Variants in GFER observed in about 807,000 individuals in gnomAD.
GFER encodes growth factor, augmenter of liver regeneration.
A neutral mutation model predicts 18.2 loss-of-function variants in GFER; 24 were observed. The ratio of observed to expected loss-of-function variants is 1.32; its 90% CI spans 0.96 to 1.86. The LOEUF (loss-of-function observed/expected upper bound fraction) is 1.86. Ranked by LOEUF, GFER falls within the 40% of genes most tolerant of loss-of-function variation. The pLI is 0.00. For missense variants in GFER, 316 were observed against 295.6 expected (o/e 1.07, Z -0.51); for synonymous variants, 138 against 126.9 (o/e 1.09, Z -0.59).
At position 1,986,212 on chromosome 16, in the gene GFER, A is replaced by G. The variant is rs1265724197; in HGVS notation, c.*184A>G. ...GAGCAGAAGTGGAGGTGCCCACAGC[A>G]GGTACCCACTGGCCCCCTCCTCAGT... is the stretch of plus-strand genomic sequence containing the variant. On this transcript the variant is annotated 3_prime_UTR_variant, in exon 3 of 3. Transcript: ENST00000248114. 1.5e-6 allele frequency: 1 copy of G among 668,428 alleles called. No individual in the cohort carries two copies. The highest frequency in any genetic ancestry group is 2.7e-6 in the Non-Finnish European group (1 of 373,202). 41.4% of individuals were successfully genotyped at this position (668,428 alleles called of 1,614,324 possible).
chr16:1,986,113 G>A lies in GFER; in HGVS notation c.*85G>A. On this transcript the variant is annotated 3_prime_UTR_variant, in exon 3 of 3. Coordinates refer to ENST00000248114, the MANE Select transcript of GFER (RefSeq NM_005262.3). ...CACTCATTAAAGTGCATCACAGCCA[G>A]AGCCTGTTGTGTCTCAGTTGGGTGG... 1 of 1,397,612 alleles carries A rather than the reference G, an allele frequency of 7.2e-7. No individual in the cohort carries two copies. Among genetic ancestry groups the A allele is most frequent in the South Asian group, 1.2e-5 (1 of 86,120 alleles). 86.6% of individuals were successfully genotyped at this position (1,397,612 alleles called of 1,614,324 possible). A position where few individuals can be genotyped will look rare whatever the true frequency, so the allele number is the denominator to read the frequency against.
rs927138495 is a variant in GFER at position 1,987,070 on chromosome 16, C to G, written c.*1042C>G. 1 of 151,482 alleles carries G rather than the reference C, an allele frequency of 6.6e-6. No homozygotes were observed. Among genetic ancestry groups the G allele is most frequent in the Non-Finnish European group, 1.5e-5 (1 of 67,958 alleles). The allele number at this position is 151,482 out of a possible 1,614,324, so 9.4% of individuals were successfully genotyped here. On this transcript the variant is annotated 3_prime_UTR_variant, in exon 3 of 3. Transcript: ENST00000248114. ...GGAACAGGAGGGGTGGGGAGGAAGC[C>G]GGGGCAGTCACCGAGTGACCACCAA... is the stretch of plus-strand genomic sequence containing the variant.
At chr16:1,984,651 G>A in intron 1 of GFER, 96 bp from the exon 2 acceptor site, 2 of 1,383,424 alleles carry the variant, frequency 1.4e-6, no homozygotes, top group South Asian at 1.2e-5. Flanking sequence ...GACTTTGGCC[G>A]GAGTCCAGTG....
chr16:1,987,620 G>A lies in GFER; in HGVS notation c.*1592G>A, dbSNP rs1482677713. 2.6e-5 allele frequency: 4 copies of A among 152,196 alleles called. No individual in the cohort carries two copies. Among genetic ancestry groups the A allele is most frequent in the African/African-American group, 7.2e-5 (3 of 41,436 alleles). The allele number at this position is 152,196 out of a possible 1,614,324, so 9.4% of individuals were successfully genotyped here. ...CAGCTGGGCCCTCTGGGAAGGCTGT[G>A]TTCAGCTTAGGAACATACCGCCTGT... On this transcript the variant is annotated 3_prime_UTR_variant, in exon 3 of 3. Transcript: ENST00000248114.
rs1447084162 is a variant in GFER at position 1,987,238 on chromosome 16, G to A, written c.*1210G>A. On this transcript the variant is annotated 3_prime_UTR_variant, in exon 3 of 3. Transcript: ENST00000248114. ...AGATGGAGAAGGCTGAGTGCAGCAA[G>A]GTGGGGGGTGACTGGGACCCAGCCT... 2 of 152,744 alleles carry A rather than the reference G, an allele frequency of 1.3e-5. No homozygotes were observed. Among genetic ancestry groups the A allele is most frequent in the Non-Finnish European group, 2.9e-5 (2 of 68,462 alleles). The allele number at this position is 152,744 out of a possible 1,614,324, so 9.5% of individuals were successfully genotyped here.
chr16:1,985,102 G>C, intron 2 of GFER, 159 bp downstream of exon 2: 1 of 689,516 alleles, frequency 1.5e-6, no homozygotes, highest in Non-Finnish European at 2.6e-6. Flanking sequence ...GGCTATCTGA[G>C]CCTCCTCCTC....
In GFER at chr16:1,986,629, C is replaced by T. The variant is rs572045152; in HGVS notation, c.*601C>T. ...CTGTCCACAGGGGATTCGTGGGGCT[C>T]ACTTCATCAGAGTTTGAAGCCCAAA... On this transcript the variant is annotated 3_prime_UTR_variant, in exon 3 of 3. Transcript: ENST00000248114. The T allele has an allele frequency of 2.3e-5, 4 of 174,728 alleles. No individual in the cohort carries two copies. The South Asian group carries it at 3.7e-4, about 16-fold the overall frequency. 10.8% of individuals were successfully genotyped at this position (174,728 alleles called of 1,614,324 possible).
intron 1 of GFER, 102 bp downstream of exon 1, chr16:1,984,578 C>T: frequency 7.0e-7 from 1 of 1,425,280 alleles, no homozygotes; most frequent in Non-Finnish European, 9.6e-7. Context: ...GTCCCTGAAC[C>T]TTGCCCCCCG....
chr16:1,985,136 G>C (rs1485657416), intron 2 of GFER, 193 bp downstream of exon 2: 1 of 649,314 alleles, frequency 1.5e-6, no homozygotes, highest in African/African-American at 1.8e-5. Flanking sequence ...CAAGCTGTCG[G>C]GATCTGCTGC....
In GFER at chr16:1,986,066, G is replaced by C. The variant is rs746282425; in HGVS notation, c.*38G>C. ...CAGAGCTCATGGGACAGCTAGCCAG[G>C]CATGGTTGGATAGGGGCAGGGCACT... On this transcript the variant is annotated 3_prime_UTR_variant, in exon 3 of 3. Coordinates refer to ENST00000248114, the MANE Select transcript of GFER (RefSeq NM_005262.3). The C allele has an allele frequency of 6.2e-7, 1 of 1,602,974 alleles. No homozygotes were observed. The highest frequency in any genetic ancestry group is 1.1e-5 in the South Asian group (1 of 90,878).
chr16:1,985,797 A>T (rs2083562986), intron 2 of GFER, 69 bp from the exon 3 acceptor site: 2 of 1,386,882 alleles, frequency 1.4e-6, no homozygotes, highest in Non-Finnish European at 2.0e-6. Context: ...CCTTGACAGC[A>T]GACAGGGAAC....
At chr16:1,984,600 C>G in intron 1 of GFER, 124 bp downstream of exon 1, 1 of 1,368,336 alleles carries the variant, frequency 7.3e-7, no homozygotes, top group East Asian at 2.4e-5. Context: ...GTAGGCCCGG[C>G]CTTACAGCCT....
chr16:1,986,146 G>A lies in GFER; in HGVS notation c.*118G>A. ...TGTGTCTCAGTTGGGTGGTCCCCAG[G>A]ACACTGCCTGTGGGGACCTGCCCTG... On this transcript the variant is annotated 3_prime_UTR_variant, in exon 3 of 3. Coordinates refer to ENST00000248114, the MANE Select transcript of GFER (RefSeq NM_005262.3). The A allele has an allele frequency of 9.2e-7, 1 of 1,089,782 alleles. No homozygotes were observed. The highest frequency in any genetic ancestry group is 1.8e-5 in the Admixed American group (1 of 54,226). 67.5% of individuals were successfully genotyped at this position (1,089,782 alleles called of 1,614,324 possible).
chr16:1,984,636 T>A, intron 1 of GFER, 111 bp from the exon 2 acceptor site: 1 of 1,366,970 alleles, frequency 7.3e-7, no homozygotes, highest in Non-Finnish European at 1.0e-6. Flanking sequence ...TTGGATCGTC[T>A]GCAGGACTTT....
chr16:1,985,875 G>T lies in GFER; in HGVS notation c.465G>T (p.Arg155Ser). The change falls in exon 3 of 3, where the codon AGG (arginine) becomes AGT (serine). Residue 155 changes from arginine to serine, a missense_variant. Physicochemically the swap from Arg to Ser is moderately radical, Grantham distance 110 (BLOSUM62 -1). Transcript: ENST00000248114. Reference protein sequence around the residue: ...CAEDLRKRLCRNHPDTRTRAC... With the variant: ...CAEDLRKRLCSNHPDTRTRAC... ...TGCTCTCCCTACACAGGCTGTGCAG[G>T]AACCACCCAGACACCCGCACCCGGG... The T allele has an allele frequency of 6.2e-7, 1 of 1,612,168 alleles. No homozygotes were observed. Among genetic ancestry groups the T allele is most frequent in the South Asian group, 1.1e-5 (1 of 91,064 alleles).
Position 1,985,954 on chromosome 16 carries a change from G to A in GFER, c.544G>A (p.Gly182Ser), listed in dbSNP as rs866683967. 7 of 1,613,136 alleles carry A rather than the reference G, an allele frequency of 4.3e-6. No individual in the cohort carries two copies. The highest frequency in any genetic ancestry group is 1.1e-5 in the South Asian group (1 of 91,088). Residue 182 changes from glycine to serine, a missense_variant, in exon 3 of 3, where the codon GGC (glycine) becomes AGC (serine). Gly to Ser is a moderately conservative substitution (Grantham distance 56). Transcript: ENST00000248114. ...HLHNEVNRKL[G>S]KPDFDCSKVD... is the part of the protein sequence containing the mutation. The stretch of plus-strand genomic sequence containing the variant: ...GCACAATGAAGTGAACCGCAAGCTG[G>A]GCAAGCCTGACTTCGACTGCTCAAA...
In GFER at chr16:1,984,346, A is replaced by T; in HGVS notation, c.128A>T (p.Asp43Val). 1 of 1,507,758 alleles carries T rather than the reference A, an allele frequency of 6.6e-7. No homozygotes were observed. The highest frequency in any genetic ancestry group is 8.8e-7 in the Non-Finnish European group (1 of 1,135,064). 93.4% of individuals were successfully genotyped at this position (1,507,758 alleles called of 1,614,324 possible). The change falls in exon 1 of 3, where the codon GAC becomes GTC. Residue 43 changes from aspartate (D) to valine (V), a missense_variant. Asp to Val is a radical substitution (Grantham distance 152). Transcript: ENST00000248114. Reference protein sequence around the residue: ...DARGRGAGRRDAAASASTPAQ... With the variant: ...DARGRGAGRRVAAASASTPAQ... ...CGGGGCCGGGGCGCGGGGCGGAGAG[A>T]CGCGGCCGCCTCGGCCTCGACGCCA... is the stretch of plus-strand genomic sequence containing the variant.
chr16:1,985,019 G>C (rs2083556533), intron 2 of GFER, 76 bp downstream of exon 2: 1 of 1,166,166 alleles, frequency 8.6e-7, no homozygotes, highest in South Asian at 1.2e-5. Flanking sequence ...TTATAGCGGG[G>C]AACGTAGAGA....
At chr16:1,984,699 GC>G (rs1567335057) in intron 1 of GFER, 47 bp from the exon 2 acceptor site, 1 of 1,539,880 alleles carries the variant, frequency 6.5e-7, no homozygotes, top group South Asian at 1.1e-5. Flanking sequence ...AGCTTTGGGC[GC>G]CTTTGTTCGG....
Sources: gnomAD v4.1 joint callset for allele counts on GRCh38, gnomAD v4.1.1 for gene constraint, MANE v1.5 for transcripts, NCBI Gene and HGNC (gene_info 2026-07-23, HGNC 2026-07-21) for gene names.